Variants in NMBR observed in about 807,000 individuals in gnomAD.
The protein encoded by NMBR is neuromedin B receptor.
In NMBR, 16 loss-of-function variants were observed where a neutral mutation model predicts 20.5. That is an observed-to-expected ratio of 0.78 (90% confidence interval 0.53 to 1.19). The LOEUF (loss-of-function observed/expected upper bound fraction) is 1.19, where lower values mean the gene tolerates loss of function less well. Ranked by LOEUF, NMBR falls within the 50% of genes most tolerant of loss-of-function variation. The pLI is 0.00. For missense variants in NMBR, 582 were observed against 499.1 expected, an observed-to-expected ratio of 1.17 and a Z score of -1.58; for synonymous variants, 212 against 196.6, an observed-to-expected ratio of 1.08 and a Z score of -0.65.
intron 1 of NMBR, among the ~76,000 whole-genome samples, chr6:142,109,410 GGA>G (rs1777719387): frequency 1.3e-5 from 2 of 151,444 alleles, no homozygotes; most frequent in African/African-American, 4.9e-5. Context: ...GGTATTCATT[GGA>G]AAGAGAAAGA....
At chr6:142,096,703 C>T (rs990534173) in intron 1 of NMBR, among the ~76,000 whole-genome samples, 2 of 152,070 alleles carry the variant, frequency 1.3e-5, no homozygotes, top group Non-Finnish European at 2.9e-5. Context: ...TGGTGCAGAG[C>T]CGAGTTCAAT....
chr6:142,143,245 GA>G (rs1301823220), intron 1 of NMBR, among the ~76,000 whole-genome samples: 1 of 152,078 alleles, frequency 6.6e-6, no homozygotes, highest in Non-Finnish European at 1.5e-5. Flanking sequence ...TGAAAACTAC[GA>G]AACAGTGATG....
intron 1 of NMBR, chr6:142,134,175 G>A (rs1377533482): frequency 3.7e-5 from 18 of 485,308 alleles, no homozygotes; most frequent in Non-Finnish European, 6.6e-5. Context: ...TTAATTAGCT[G>A]TATATTTCAG....
chr6:142,130,040 G>A (rs1778111908), intron 1 of NMBR, among the ~76,000 whole-genome samples: 1 of 152,038 alleles, frequency 6.6e-6, no homozygotes, highest in Non-Finnish European at 1.5e-5. Context: ...ATTGTACTTG[G>A]TTAGTTCTCT....
chr6:142,144,887 A>G (rs534720835), intron 1 of NMBR, among the ~76,000 whole-genome samples: 65 of 151,918 alleles, frequency 4.3e-4, no homozygotes, highest in Non-Finnish European at 8.1e-4. Context: ...AATTAGCCAT[A>G]GTGTTATGTG....
chr6:142,132,337 G>A (rs1299758863), intron 1 of NMBR, among the ~76,000 whole-genome samples: 1 of 152,162 alleles, frequency 6.6e-6, no homozygotes, highest in Non-Finnish European at 1.5e-5. Flanking sequence ...GTCTGTCTTG[G>A]TGCCTGCTGG....
chr6:142,103,794 G>T (rs1777607587), intron 1 of NMBR, among the ~76,000 whole-genome samples: 1 of 152,018 alleles, frequency 6.6e-6, no homozygotes, highest in Non-Finnish European at 1.5e-5. Flanking sequence ...GTATTTTCTT[G>T]GTATTCAGTT....
intron 1 of NMBR, among the ~76,000 whole-genome samples, chr6:142,120,264 ATC>A (rs1319535979): frequency 6.6e-6 from 1 of 151,874 alleles, no homozygotes; most frequent in Non-Finnish European, 1.5e-5. Context: ...TGGGACTGTA[ATC>A]TCTGAGAAAA....
intron 1 of NMBR, among the ~76,000 whole-genome samples, chr6:142,140,339 G>T (rs225615): frequency 0.39 from 59,324 of 151,854 alleles, 12,224 homozygotes; most frequent in Middle Eastern, 0.53. Context: ...TATATTATCA[G>T]TTGAAGTATG....
chr6:142,091,623 T>C (rs1354114738), intron 1 of NMBR, among the ~76,000 whole-genome samples: 3 of 152,196 alleles, frequency 2.0e-5, no homozygotes, highest in African/African-American at 4.8e-5. Context: ...TAAAAATACT[T>C]GAGTCTTAAC....
intron 1 of NMBR, among the ~76,000 whole-genome samples, chr6:142,111,712 A>C (rs576268755): frequency 6.6e-6 from 1 of 152,310 alleles, no homozygotes; most frequent in East Asian, 1.9e-4. Context: ...GGCTACGAGA[A>C]ATGTCAATGC....
intron 1 of NMBR, among the ~76,000 whole-genome samples, chr6:142,145,114 A>T (rs1394815829): frequency 6.6e-6 from 1 of 152,060 alleles, no homozygotes; most frequent in Non-Finnish European, 1.5e-5. Flanking sequence ...AGAGAGTAAA[A>T]TCCAACTCCA....
chr6:142,104,805 G>C (rs1373237768), intron 1 of NMBR, among the ~76,000 whole-genome samples: 1 of 152,190 alleles, frequency 6.6e-6, no homozygotes, highest in East Asian at 1.9e-4. Context: ...CACATGCATG[G>C]ATGTGAAGAG....
chr6:142,094,249 G>A (rs1182252980), intron 1 of NMBR, among the ~76,000 whole-genome samples: 1 of 152,036 alleles, frequency 6.6e-6, no homozygotes, highest in Non-Finnish European at 1.5e-5. Context: ...GAATGGTATT[G>A]CCTAGGTTTT....
chr6:142,075,717 A>G lies in NMBR; in HGVS notation c.1104T>C (p.Asn368=), dbSNP rs138713396. ...CAGAATTGGTCACCATGTTCTTAGC[A>G]TTGCTTTTCAGAGATGTCATACGCA... ...SAVRMTSLKS[N]AKNMVTNSVL... The change falls in exon 4 of 4, where the codon AAT becomes AAC. Residue 368 remains asparagine (N), a synonymous_variant. Coordinates refer to ENST00000258042, the MANE Select transcript of NMBR (RefSeq NM_002511.4). 1.5e-5 allele frequency: 25 copies of G among 1,613,848 alleles called. No homozygotes were observed. The African/African-American group carries it at 3.1e-4, about 20-fold the overall frequency.
intron 1 of NMBR, among the ~76,000 whole-genome samples, chr6:142,132,650 A>G (rs1778166049): frequency 1.3e-5 from 2 of 152,214 alleles, no homozygotes; most frequent in African/African-American, 4.8e-5. Flanking sequence ...GGAAGTAAAC[A>G]ATAAAGAATC....
At chr6:142,144,159 A>G (rs1582868465) in intron 1 of NMBR, among the ~76,000 whole-genome samples, 1 of 152,326 alleles carries the variant, frequency 6.6e-6, no homozygotes, top group South Asian at 2.1e-4. Context: ...CTTCTGCGGA[A>G]AATTTAAGGA....
Position 142,099,939 on chromosome 6 carries a change from C to T in NMBR, c.-663-10618G>A, listed in dbSNP as rs143862869. ...TAGACATCTCACCAAAGAAGATACACAAGTGTAAATAAGCATATAAAAAGT... is the reference window on the plus strand; with the variant it reads ...TAGACATCTCACCAAAGAAGATACATAAGTGTAAATAAGCATATAAAAAGT... On this transcript the variant is annotated intron_variant, in intron 1 of 3. Coordinates refer to ENST00000258042, the MANE Select transcript of NMBR (RefSeq NM_002511.4). Among the ~76,000 whole-genome samples the T allele has an allele frequency of 8.5e-5, 13 of 152,234 alleles. No homozygotes were observed. In the East Asian group the frequency reaches 1.4e-3, roughly 16 times the overall value.
intron 2 of NMBR, among the ~76,000 whole-genome samples, chr6:142,084,203 T>C (rs190249991): frequency 1.3e-3 from 195 of 152,332 alleles, no homozygotes; most frequent in Middle Eastern, 3.4e-3. Context: ...ATCCAATCTA[T>C]TTCAGTATCT....
Sources: gnomAD v4.1 joint callset for allele counts (sites outside exome capture counted in the v4.1 genomes callset) on GRCh38, gnomAD v4.1.1 for gene constraint, MANE v1.5 for transcripts, NCBI Gene and HGNC (gene_info 2026-07-23, HGNC 2026-07-21) for gene names.